Variants in SH2D4B observed in about 807,000 individuals in gnomAD.
SH2D4B encodes the protein SH2 domain containing 4B.
Under a neutral mutation model 61.5 loss-of-function variants are expected in SH2D4B, and 45 were observed. The observed-to-expected ratio is 0.73, with a 90% confidence interval of 0.58 to 0.94. The LOEUF (loss-of-function observed/expected upper bound fraction) is 0.94. SH2D4B is among the 40% of genes least tolerant of loss of function. The pLI is 0.00. For missense variants in SH2D4B, 572 were observed against 574.2 expected (o/e 1.00, Z 0.04); for synonymous variants, 224 against 220.4 (o/e 1.02, Z -0.14).
intron 6 of SH2D4B, among the ~76,000 whole-genome samples, chr10:80,610,098 A>G (rs1229882656): frequency 6.6e-6 from 1 of 151,972 alleles, no homozygotes; most frequent in African/African-American, 2.4e-5. Flanking sequence ...CCTCTTTCCC[A>G]TCTCAGACCT....
chr10:80,605,044 C>T (rs562825113), intron 5 of SH2D4B, among the ~76,000 whole-genome samples: 19 of 152,176 alleles, frequency 1.2e-4, no homozygotes, highest in Non-Finnish European at 2.5e-4. Flanking sequence ...CTGCCCACCT[C>T]GGCCTCCCAA....
chr10:80,545,514 C>A (rs1383592659), intron 1 of SH2D4B, among the ~76,000 whole-genome samples: 2 of 151,806 alleles, frequency 1.3e-5, no homozygotes, highest in Non-Finnish European at 2.9e-5. Context: ...TCTTCCTCTC[C>A]TCCTTTCTTT....
Position 80,541,348 on chromosome 10 carries a change from T to C in SH2D4B, c.184+2833T>C, listed in dbSNP as rs147594609. ...GTCTTGTTCTTGTTTTAGCTGTTGT[T>C]TGGGTTTTTCCATGCTCCTGTGACC... On this transcript the variant is annotated intron_variant, in intron 1 of 7. Transcript: ENST00000646907. Among the ~76,000 whole-genome samples the C allele has an allele frequency of 8.8e-3, 1,340 of 152,326 alleles. 16 individuals are homozygous for C. The highest frequency in any genetic ancestry group is 0.03 in the African/African-American group (1,262 of 41,562).
At chr10:80,546,785 C>T (rs926599008) in intron 1 of SH2D4B, among the ~76,000 whole-genome samples, 1 of 152,158 alleles carries the variant, frequency 6.6e-6, no homozygotes, top group African/African-American at 2.4e-5. Flanking sequence ...CCTCGGCCTC[C>T]CAAAGTGCTG....
intron 3 of SH2D4B, among the ~76,000 whole-genome samples, chr10:80,573,485 T>C (rs912723490): frequency 2.0e-5 from 3 of 152,200 alleles, no homozygotes; most frequent in Admixed American, 6.5e-5. Context: ...CTGATTTTAC[T>C]TCAACTAGTT....
intron 1 of SH2D4B, among the ~76,000 whole-genome samples, chr10:80,554,437 C>A (rs941417589): frequency 6.7e-6 from 1 of 149,724 alleles, no homozygotes; most frequent in East Asian, 2.0e-4. Flanking sequence ...ATTGGATGTA[C>A]GTGTGTGTGT....
rs1842873529 is a variant in SH2D4B at position 80,634,519 on chromosome 10, G to A, written c.1209+14G>A. 5 of 1,547,600 alleles carry A rather than the reference G, an allele frequency of 3.2e-6. No homozygotes were observed. Among genetic ancestry groups the A allele is most frequent in the Non-Finnish European group, 4.4e-6 (5 of 1,146,066 alleles). On this transcript the variant is annotated intron_variant, in intron 7 of 7. Transcript: ENST00000646907. ...GATTTCCATAAGGTATCCCTCACAGGGATACTAATGGGGGGGAGGGGGAAC... is the reference window on the plus strand; with the variant it reads ...GATTTCCATAAGGTATCCCTCACAGAGATACTAATGGGGGGGAGGGGGAAC...
At chr10:80,634,532 G>C in intron 7 of SH2D4B, 27 bp downstream of exon 7, 1 of 1,545,180 alleles carries the variant, frequency 6.5e-7, no homozygotes, top group Non-Finnish European at 8.7e-7. Context: ...TACTAATGGG[G>C]GGGAGGGGGA....
intron 1 of SH2D4B, among the ~76,000 whole-genome samples, chr10:80,554,980 G>T (rs921384079): frequency 7.9e-6 from 1 of 127,162 alleles, no homozygotes; most frequent in African/African-American, 3.1e-5. Flanking sequence ...CTGCACTCCA[G>T]CCTGGGCGAC....
chr10:80,566,008 G>T (rs765747410), intron 1 of SH2D4B, among the ~76,000 whole-genome samples: 6 of 143,394 alleles, frequency 4.2e-5, no homozygotes, highest in Non-Finnish European at 6.1e-5. Flanking sequence ...GGAAGATGGC[G>T]TGAACCCAGG....
intron 4 of SH2D4B, among the ~76,000 whole-genome samples, chr10:80,600,292 C>T (rs1842436745): frequency 6.6e-6 from 1 of 152,190 alleles, no homozygotes; most frequent in African/African-American, 2.4e-5. Flanking sequence ...TCTATTCACC[C>T]AAGGGATTAC....
rs561987857 is a variant in SH2D4B at position 80,575,719 on chromosome 10, G to A, written c.495+4141G>A. Reference sequence around the variant, plus strand: ...GAACCCAGGAGGCAGAGGTTGCAGCGAGTGGAGATTGAGCCACTGCACTCC... The same window carrying A: ...GAACCCAGGAGGCAGAGGTTGCAGCAAGTGGAGATTGAGCCACTGCACTCC... On this transcript the variant is annotated intron_variant, in intron 3 of 7. Transcript: ENST00000646907. Among the ~76,000 whole-genome samples, 176 of 152,318 alleles carry A rather than the reference G, an allele frequency of 1.2e-3. 1 individual carries two copies. Among genetic ancestry groups the A allele is most frequent in the African/African-American group, 3.8e-3 (160 of 41,562 alleles).
At chr10:80,639,891 T>C (rs1028293745) in intron 7 of SH2D4B, among the ~76,000 whole-genome samples, 1 of 152,226 alleles carries the variant, frequency 6.6e-6, no homozygotes, top group African/African-American at 2.4e-5. Context: ...ATCGATGGTC[T>C]TTATAATTAG....
intron 1 of SH2D4B, among the ~76,000 whole-genome samples, chr10:80,565,641 T>C (rs888989130): frequency 1.3e-5 from 2 of 152,188 alleles, no homozygotes; most frequent in Non-Finnish European, 2.9e-5. Flanking sequence ...GTAATACTAG[T>C]TTAGCTGCTC....
At position 80,611,806 on chromosome 10, in the gene SH2D4B, T is replaced by C. The variant is rs544727191; in HGVS notation, c.988+2255T>C. On this transcript the variant is annotated intron_variant, in intron 6 of 7. Coordinates refer to ENST00000646907, the MANE Select transcript of SH2D4B (RefSeq NM_001388272.1). ...TTTGACTTTTTTTTTTTTTAAAAGGTAACTTTTATATTGTCACAGAACAAA... is the reference window on the plus strand; with the variant it reads ...TTTGACTTTTTTTTTTTTTAAAAGGCAACTTTTATATTGTCACAGAACAAA... Among the ~76,000 whole-genome samples, 15 of 151,938 alleles carry C rather than the reference T, an allele frequency of 9.9e-5. No individual in the cohort carries two copies. The South Asian group carries it at 3.1e-3, about 32-fold the overall frequency.
chr10:80,565,544 C>T (rs1203553050), intron 1 of SH2D4B, among the ~76,000 whole-genome samples: 1 of 152,104 alleles, frequency 6.6e-6, no homozygotes, highest in Non-Finnish European at 1.5e-5. Flanking sequence ...TAGAGGCATG[C>T]ACCACCACAC....
intron 6 of SH2D4B, among the ~76,000 whole-genome samples, chr10:80,627,552 G>T (rs1448760450): frequency 6.6e-6 from 1 of 151,960 alleles, no homozygotes; most frequent in Non-Finnish European, 1.5e-5. Context: ...ACTGGGTGGG[G>T]TGCCTCCCTT....
intron 1 of SH2D4B, among the ~76,000 whole-genome samples, chr10:80,564,776 C>T (rs1008586542): frequency 6.6e-6 from 1 of 152,248 alleles, no homozygotes; most frequent in African/African-American, 2.4e-5. Flanking sequence ...CAGCCTCTTT[C>T]TTCCATGTTC....
intron 6 of SH2D4B, among the ~76,000 whole-genome samples, chr10:80,613,486 G>C (rs1842625597): frequency 6.6e-6 from 1 of 152,254 alleles, no homozygotes; most frequent in South Asian, 2.1e-4. Context: ...CTGCCTTGCT[G>C]CTTGCCCATA....
Sources: gnomAD v4.1 joint callset for allele counts (sites outside exome capture counted in the v4.1 genomes callset) on GRCh38, gnomAD v4.1.1 for gene constraint, MANE v1.5 for transcripts, NCBI Gene and HGNC (gene_info 2026-07-23, HGNC 2026-07-21) for gene names.